The following TBXAS1 variants were observed in gnomAD, a reference collection of about 807,000 sequenced individuals.
TBXAS1 encodes the protein thromboxane-A synthase.
Under a neutral mutation model 60.7 loss-of-function variants are expected in TBXAS1, and 48 were observed. The ratio of observed to expected loss-of-function variants is 0.79; its 90% CI spans 0.63 to 1.01. TBXAS1 has a LOEUF of 1.01. TBXAS1 is among the 50% of genes least tolerant of loss of function. The pLI, the probability that TBXAS1 is intolerant of heterozygous loss-of-function variation, is 0.00. For synonymous variants in TBXAS1, 287 were observed against 269.7 expected, an observed-to-expected ratio of 1.06 and a Z score of -0.63; for missense variants, 685 against 686.3, an observed-to-expected ratio of 1.00 and a Z score of 0.02.
intron 4 of TBXAS1, among the ~76,000 whole-genome samples, chr7:139,809,167 A>G (rs897934931): frequency 6.6e-6 from 1 of 151,790 alleles, no homozygotes; most frequent in African/African-American, 2.4e-5. Flanking sequence ...ATAGATAGAT[A>G]GATAGATAGA....
chr7:139,960,517 G>A (rs902795118), intron 8 of TBXAS1, among the ~76,000 whole-genome samples: 7 of 151,940 alleles, frequency 4.6e-5, no homozygotes, highest in Admixed American at 1.3e-4. Context: ...AGGCTGAGGC[G>A]GGCGGATCAC....
chr7:140,012,958 G>A (rs1814734555), intron 10 of TBXAS1, among the ~76,000 whole-genome samples: 1 of 152,092 alleles, frequency 6.6e-6, no homozygotes, highest in Non-Finnish European at 1.5e-5. Flanking sequence ...TATAAGGTTT[G>A]GAGTTTGGGT....
At chr7:139,809,865 C>A (rs1281293948) in intron 4 of TBXAS1, among the ~76,000 whole-genome samples, 1 of 152,136 alleles carries the variant, frequency 6.6e-6, no homozygotes, top group African/African-American at 2.4e-5. Flanking sequence ...TGAAAACACC[C>A]TCACAGACAC....
chr7:139,818,861 C>T (rs938687531), intron 4 of TBXAS1, among the ~76,000 whole-genome samples: 10 of 149,624 alleles, frequency 6.7e-5, no homozygotes, highest in African/African-American at 2.4e-4. Flanking sequence ...GTAGAGCAGA[C>T]CCCTGGTAGC....
intron 1 of TBXAS1, among the ~76,000 whole-genome samples, chr7:139,849,020 G>A (rs948496863): frequency 2.6e-5 from 4 of 152,026 alleles, no homozygotes; most frequent in Admixed American, 6.6e-5. Context: ...AAAACTTAAC[G>A]TGAATGGACA....
intron 10 of TBXAS1, among the ~76,000 whole-genome samples, chr7:140,008,501 G>C (rs1193561937): frequency 1.3e-5 from 2 of 150,992 alleles, no homozygotes; most frequent in Non-Finnish European, 1.5e-5. Flanking sequence ...AGGCTGGAGG[G>C]CAATGGTGTG....
chr7:140,011,716 A>G (rs1814634150), intron 10 of TBXAS1, among the ~76,000 whole-genome samples: 1 of 152,144 alleles, frequency 6.6e-6, no homozygotes, highest in Admixed American at 6.6e-5. Context: ...GGGATCCAGA[A>G]TTTCAGTGGG....
At chr7:139,867,677 T>C (rs1801522578) in intron 1 of TBXAS1, among the ~76,000 whole-genome samples, 1 of 151,980 alleles carries the variant, frequency 6.6e-6, no homozygotes, top group African/African-American at 2.4e-5. Context: ...AAAATTAGCC[T>C]GGCGTGGTGG....
At chr7:139,836,129 C>G (rs975832078) in intron 1 of TBXAS1, among the ~76,000 whole-genome samples, 1 of 151,788 alleles carries the variant, frequency 6.6e-6, no homozygotes, top group African/African-American at 2.4e-5. Context: ...AAAGCCTCTA[C>G]AGGGAAAACT....
At chr7:139,906,280 T>C (rs751815393) in intron 3 of TBXAS1, 54 of 156,778 alleles carry the variant, frequency 3.4e-4, no homozygotes, top group Non-Finnish European at 6.1e-4. Context: ...GGTCTCAAAC[T>C]CCTGATCTCA....
intron 4 of TBXAS1, among the ~76,000 whole-genome samples, chr7:139,800,344 G>C (rs1797686855): frequency 6.6e-6 from 1 of 152,102 alleles, no homozygotes; most frequent in Non-Finnish European, 1.5e-5. Flanking sequence ...CAATGCACCT[G>C]ACTGAACTGA....
At chr7:139,820,087 G>A (rs1439028432) in intron 4 of TBXAS1, among the ~76,000 whole-genome samples, 1 of 151,964 alleles carries the variant, frequency 6.6e-6, no homozygotes, top group East Asian at 1.9e-4. Context: ...CCTTATGCCT[G>A]CTCCCACTCT....
chr7:140,015,814 C>T lies in TBXAS1; in HGVS notation c.1318C>T (p.His440Tyr). 1 of 1,613,794 alleles carries T rather than the reference C, an allele frequency of 6.2e-7. No homozygotes were observed. The highest frequency in any genetic ancestry group is 1.1e-5 in the South Asian group (1 of 91,086). The part of the protein sequence containing the change: ...VLEMAVGALH[H>Y]DPEHWPSPET... The stretch of plus-strand genomic sequence containing the variant: ...AGAGATGGCCGTGGGTGCCCTGCAC[C>T]ATGACCCTGAGCACTGGCCAAGCCC... Residue 440 changes from histidine to tyrosine, a missense_variant, in exon 11 of 13, where the codon CAT becomes TAT. Coordinates refer to ENST00000448866, the MANE Select transcript of TBXAS1 (RefSeq NM_001061.7).
At chr7:139,792,304 C>T (rs541129435) in intron 4 of TBXAS1, among the ~76,000 whole-genome samples, 1 of 152,162 alleles carries the variant, frequency 6.6e-6, no homozygotes. Context: ...GTTACCAAAA[C>T]CACAAGGCTA....
chr7:139,998,208 C>G (rs1813432732), intron 9 of TBXAS1, among the ~76,000 whole-genome samples: 4 of 152,224 alleles, frequency 2.6e-5, no homozygotes, highest in Admixed American at 2.6e-4. Flanking sequence ...GTGGTTACTA[C>G]TGAGGGGCAT....
At chr7:139,944,594 G>T (rs1301391814) in intron 5 of TBXAS1, among the ~76,000 whole-genome samples, 3 of 152,194 alleles carry the variant, frequency 2.0e-5, no homozygotes, top group Non-Finnish European at 4.4e-5. Context: ...TGGTGCAGAT[G>T]AGGGGAACTG....
chr7:139,989,901 G>A (rs1000174248), intron 9 of TBXAS1, among the ~76,000 whole-genome samples: 1 of 152,140 alleles, frequency 6.6e-6, no homozygotes, highest in Non-Finnish European at 1.5e-5. Flanking sequence ...TTTGTGTCCT[G>A]CCCATCTTTG....
At chr7:139,802,653 C>T (rs970595372) in intron 4 of TBXAS1, among the ~76,000 whole-genome samples, 11 of 152,106 alleles carry the variant, frequency 7.2e-5, no homozygotes, top group East Asian at 1.9e-4. Context: ...GGTGTGGTGG[C>T]GTGTGCCTGT....
At chr7:139,801,335 A>T (rs1364140679) in intron 4 of TBXAS1, among the ~76,000 whole-genome samples, 3 of 152,228 alleles carry the variant, frequency 2.0e-5, no homozygotes, top group African/African-American at 4.8e-5. Flanking sequence ...TCTTGCTTCA[A>T]CTTAAAAATA....
Sources: gnomAD v4.1 joint callset for allele counts (sites outside exome capture counted in the v4.1 genomes callset) on GRCh38, gnomAD v4.1.1 for gene constraint, MANE v1.5 for transcripts, NCBI Gene and HGNC (gene_info 2026-07-23, HGNC 2026-07-21) for gene names.